SVOPL: variants seen among roughly 807,000 people sequenced by gnomAD.
SVOPL encodes the protein SVOP like.
Under a neutral mutation model 61.0 loss-of-function variants are expected in SVOPL, and 60 were observed. The observed-to-expected ratio is 0.98, with a 90% CI of 0.80 to 1.22. The LOEUF (loss-of-function observed/expected upper bound fraction) is 1.22, where lower values mean the gene tolerates loss of function less well. SVOPL is among the 50% of genes most tolerant of loss of function. The pLI, the probability that SVOPL is intolerant of heterozygous loss-of-function variation, is 0.00. For missense variants in SVOPL, 662 were observed against 643.9 expected, an observed-to-expected ratio of 1.03 and a Z score of -0.30; for synonymous variants, 279 against 250.0, an observed-to-expected ratio of 1.12 and a Z score of -1.09.
chr7:138,629,854 C>G (rs1023613381), intron 10 of SVOPL, among the ~76,000 whole-genome samples, 195 bp downstream of exon 10: 5 of 152,150 alleles, frequency 3.3e-5, no homozygotes, highest in African/African-American at 9.7e-5. Context: ...GGGAATTTTC[C>G]TCTGTCTATG....
intron 1 of SVOPL, among the ~76,000 whole-genome samples, chr7:138,689,894 G>A (rs1030263100): frequency 1.3e-5 from 2 of 151,818 alleles, no homozygotes; most frequent in African/African-American, 4.8e-5. Context: ...TACTTGAGTG[G>A]AGTGGGAGTC....
At chr7:138,631,940 C>T (rs995030797) in intron 9 of SVOPL, among the ~76,000 whole-genome samples, 3 of 138,090 alleles carry the variant, frequency 2.2e-5, no homozygotes, top group African/African-American at 9.1e-5. Flanking sequence ...TGCCATGGCT[C>T]AGTCCCTTCT....
At chr7:138,632,602 T>C (rs1394174627) in intron 9 of SVOPL, among the ~76,000 whole-genome samples, 3 of 142,834 alleles carry the variant, frequency 2.1e-5, no homozygotes, top group African/African-American at 7.9e-5. Flanking sequence ...GAGGGAGAGG[T>C]GAGGTAGGAG....
chr7:138,700,709 G>GC (rs1265264273), intron 1 of SVOPL, among the ~76,000 whole-genome samples: 27 of 150,148 alleles, frequency 1.8e-4, no homozygotes, highest in African/African-American at 5.7e-4. Flanking sequence ...TGGATGGATG[G>GC]ATGGATGGCA....
chr7:138,609,783 A>G (rs1420402263), intron 14 of SVOPL, among the ~76,000 whole-genome samples: 1 of 151,724 alleles, frequency 6.6e-6, no homozygotes, highest in Non-Finnish European at 1.5e-5. Flanking sequence ...CCCAGGATGG[A>G]ATGCAGTGGC....
At chr7:138,603,694 G>A (rs1309163864) in intron 14 of SVOPL, among the ~76,000 whole-genome samples, 1 of 152,106 alleles carries the variant, frequency 6.6e-6, no homozygotes, top group African/African-American at 2.4e-5. Context: ...GATGAAGCAT[G>A]AAATTTTACT....
intron 9 of SVOPL, among the ~76,000 whole-genome samples, chr7:138,637,606 G>A (rs1205800087): frequency 6.6e-6 from 1 of 151,908 alleles, no homozygotes; most frequent in African/African-American, 2.4e-5. Flanking sequence ...TCTGTACTGT[G>A]TTTCTTGTAC....
At chr7:138,670,317 G>T (rs1802383365) in intron 4 of SVOPL, among the ~76,000 whole-genome samples, 1 of 152,130 alleles carries the variant, frequency 6.6e-6, no homozygotes, top group South Asian at 2.1e-4. Context: ...TTAAGATATA[G>T]GCTTAAAGGA....
In SVOPL at chr7:138,627,405, T is replaced by A. The variant is rs1249626463; in HGVS notation, c.1126A>T (p.Ile376Phe). The stretch of plus-strand genomic sequence containing the variant: ...AATAAAGCCGTGCATCCCATGGTAA[T>A]AGAAAGGCTCAGCCGTCTTCCCAGG... ...NFLGRRLSLSITMGCTALFFL... is the reference protein window; with the variant it reads ...NFLGRRLSLSFTMGCTALFFL... The change falls in exon 12 of 16, where the codon ATT becomes TTT. Residue 376 changes from isoleucine (I) to phenylalanine (F), a missense_variant. Coordinates refer to ENST00000674285, the MANE Select transcript of SVOPL (RefSeq NM_001139456.2). 1.2e-6 allele frequency: 2 copies of A among 1,613,818 alleles called. No homozygotes were observed. The highest frequency in any genetic ancestry group is 1.7e-6 in the Non-Finnish European group (2 of 1,179,736).
chr7:138,610,295 G>C (rs1053791093), intron 14 of SVOPL, among the ~76,000 whole-genome samples: 2 of 151,700 alleles, frequency 1.3e-5, no homozygotes, highest in Admixed American at 1.3e-4. Flanking sequence ...AAAAGAGAGA[G>C]AGAGTAAAAG....
chr7:138,645,400 C>T (rs937817305), intron 8 of SVOPL, among the ~76,000 whole-genome samples: 1 of 152,190 alleles, frequency 6.6e-6, no homozygotes, highest in Non-Finnish European at 1.5e-5. Flanking sequence ...TCACGCCTCA[C>T]GCAATCAAGG....
intron 1 of SVOPL, chr7:138,689,312 T>C: frequency 6.3e-7 from 1 of 1,592,236 alleles, no homozygotes; most frequent in Non-Finnish European, 8.5e-7. Context: ...ATGTAGATTC[T>C]CTGGTCATTG....
At chr7:138,643,981 A>G (rs1800965022) in intron 9 of SVOPL, among the ~76,000 whole-genome samples, 1 of 152,164 alleles carries the variant, frequency 6.6e-6, no homozygotes, top group Middle Eastern at 3.4e-3. Flanking sequence ...AGGCAGGTGG[A>G]TCACGAGGTC....
intron 5 of SVOPL, chr7:138,660,424 A>C: frequency 2.0e-6 from 2 of 986,786 alleles, no homozygotes; most frequent in Non-Finnish European, 2.4e-6. Context: ...AAAATTAAGA[A>C]ATTGAAATCA....
chr7:138,643,051 G>T (rs1800906700), intron 9 of SVOPL, among the ~76,000 whole-genome samples: 2 of 151,988 alleles, frequency 1.3e-5, no homozygotes, highest in African/African-American at 4.8e-5. Flanking sequence ...AACACAGTAT[G>T]GTGATTCCTC....
At chr7:138,633,636 G>A (rs1314398069) in intron 9 of SVOPL, among the ~76,000 whole-genome samples, 1 of 152,038 alleles carries the variant, frequency 6.6e-6, no homozygotes, top group African/African-American at 2.4e-5. Context: ...AATGCAAAAC[G>A]AACAGACACA....
intron 10 of SVOPL, among the ~76,000 whole-genome samples, chr7:138,628,966 A>G (rs1045417880): frequency 6.6e-5 from 10 of 152,238 alleles, no homozygotes; most frequent in African/African-American, 4.8e-5. Context: ...TGAGGCCAGG[A>G]GTTTGAGACC....
intron 7 of SVOPL, among the ~76,000 whole-genome samples, chr7:138,654,374 T>C (rs1264198371): frequency 6.6e-6 from 1 of 152,202 alleles, no homozygotes; most frequent in East Asian, 1.9e-4. Flanking sequence ...ACCCAAAATA[T>C]GTAAATCTAT....
rs1410216705 is a variant in SVOPL at position 138,661,234 on chromosome 7, T to A, written c.346-1246A>T. On this transcript the variant is annotated intron_variant, in intron 5 of 15. Coordinates refer to ENST00000674285, the MANE Select transcript of SVOPL (RefSeq NM_001139456.2). Reference sequence around the variant, plus strand: ...GACCTGGGTTTGTAATCAGAAGACATAATTTATGTCTTGATGTCTAATCTT... The same window carrying A: ...GACCTGGGTTTGTAATCAGAAGACAAAATTTATGTCTTGATGTCTAATCTT... The A allele has an allele frequency of 8.1e-6, 8 of 985,310 alleles. No individual in the cohort carries two copies. In the Admixed American group the frequency reaches 1.8e-4, roughly 23 times the overall value. 61.0% of individuals were successfully genotyped at this position (985,310 alleles called of 1,614,324 possible).
Sources: gnomAD v4.1 joint callset for allele counts (sites outside exome capture counted in the v4.1 genomes callset) on GRCh38, gnomAD v4.1.1 for gene constraint, MANE v1.5 for transcripts, NCBI Gene and HGNC (gene_info 2026-07-23, HGNC 2026-07-21) for gene names.